The following SPATA6L variants were observed in gnomAD, a reference collection of about 807,000 sequenced individuals.
SPATA6L encodes spermatogenesis associated 6-like protein.
A neutral mutation model predicts 49.2 loss-of-function variants in SPATA6L; 68 were observed. The ratio of observed to expected loss-of-function variants is 1.38; its 90% CI spans 1.14 to 1.69. SPATA6L has a LOEUF of 1.69. Ranked by LOEUF, SPATA6L falls within the 40% of genes most tolerant of loss-of-function variation. The pLI, the probability that SPATA6L is intolerant of heterozygous loss-of-function variation, is 0.00. For missense variants in SPATA6L, 668 were observed against 464.3 expected, an observed-to-expected ratio of 1.44 and a Z score of -4.03; for synonymous variants, 198 against 165.7, an observed-to-expected ratio of 1.19 and a Z score of -1.50.
At chr9:4,618,180 G>C (rs939418971) in intron 8 of SPATA6L, 70 bp from the exon 9 acceptor site, 2 of 1,362,274 alleles carry the variant, frequency 1.5e-6, no homozygotes, top group Non-Finnish European at 2.0e-6. Context: ...TGGGGGTGGG[G>C]GTTGGACAAG....
intron 7 of SPATA6L, 112 bp downstream of exon 7, chr9:4,622,296 A>G: frequency 1.4e-6 from 1 of 692,694 alleles, no homozygotes; most frequent in Non-Finnish European, 2.5e-6. Context: ...GTACTTGAGA[A>G]TTAGGCTCAC....
chr9:4,595,043 C>A (rs185190714), downstream of SPATA6L, among the ~76,000 whole-genome samples: 3 of 152,228 alleles, frequency 2.0e-5, no homozygotes, highest in African/African-American at 7.2e-5. Context: ...TTCTCTTAGT[C>A]GTTGAGTTCA....
intron 3 of SPATA6L, 90 bp downstream of exon 3, chr9:4,655,951 T>A (rs1838059450): frequency 1.0e-6 from 1 of 975,092 alleles, no homozygotes; most frequent in Non-Finnish European, 1.6e-6. Flanking sequence ...AACATGAACA[T>A]ATCACAGTTT....
chr9:4,590,777 G>A (rs535597774), intron 13 of SPATA6L, among the ~76,000 whole-genome samples: 1 of 152,058 alleles, frequency 6.6e-6, no homozygotes, highest in Non-Finnish European at 1.5e-5. Flanking sequence ...AATAACCCTG[G>A]AACTAAATGC....
chr9:4,664,532 A>G (rs1194823913), intron 1 of SPATA6L: 1 of 167,068 alleles, frequency 6.0e-6, no homozygotes, highest in Non-Finnish European at 1.5e-5. Flanking sequence ...CATAAGACCA[A>G]AGACCACCAA....
chr9:4,659,442 T>C (rs972840070), intron 2 of SPATA6L, among the ~76,000 whole-genome samples: 9 of 150,944 alleles, frequency 6.0e-5, no homozygotes. Flanking sequence ...TCAAAGAGAA[T>C]AAAATATCTA....
At chr9:4,657,185 T>A (rs1013304112) in intron 2 of SPATA6L, among the ~76,000 whole-genome samples, 2 of 145,886 alleles carry the variant, frequency 1.4e-5, no homozygotes, top group Non-Finnish European at 3.0e-5. Flanking sequence ...GCTTTAAAGT[T>A]CTGATTTAAA....
chr9:4,605,486 A>G (rs771099277), intron 9 of SPATA6L, 46 bp from the exon 10 acceptor site: 9 of 1,358,414 alleles, frequency 6.6e-6, no homozygotes. Context: ...AGCTACTAAA[A>G]AGGACACTTA....
chr9:4,655,229 C>T (rs1469565188), intron 3 of SPATA6L, among the ~76,000 whole-genome samples: 1 of 152,204 alleles, frequency 6.6e-6, no homozygotes. Context: ...AAATTAAGTT[C>T]TGGCACATGC....
At chr9:4,637,987 C>T (rs958818150) in intron 3 of SPATA6L, among the ~76,000 whole-genome samples, 4 of 151,456 alleles carry the variant, frequency 2.6e-5, no homozygotes, top group Non-Finnish European at 5.9e-5. Context: ...AAAAACACTT[C>T]ATTCATTGAG....
At position 4,616,432 on chromosome 9, in the gene SPATA6L, A is replaced by G. The variant is rs191315349; in HGVS notation, c.995+1491T>C. 9.5e-4 allele frequency among the ~76,000 whole-genome samples: 145 copies of G among 152,248 alleles called. No homozygotes were observed. The Middle Eastern group carries it at 0.017, about 18-fold the overall frequency. On this transcript the variant is annotated intron_variant, in intron 9 of 11. Coordinates refer to ENST00000682582, the MANE Select transcript of SPATA6L (RefSeq NM_001353486.2). ...CTTCATTTAAAATCAATCCTCTACAAGTCTTTAAATCCAGGATGACCTCCT... is the reference window on the plus strand; with the variant it reads ...CTTCATTTAAAATCAATCCTCTACAGGTCTTTAAATCCAGGATGACCTCCT...
chr9:4,622,701 T>C (rs1829606967), intron 6 of SPATA6L, among the ~76,000 whole-genome samples, 191 bp from the exon 7 acceptor site: 1 of 152,206 alleles, frequency 6.6e-6, no homozygotes, highest in Non-Finnish European at 1.5e-5. Context: ...TGTTTGTCCT[T>C]CACTGAGGCT....
rs750252480 is a variant in SPATA6L at position 4,662,807 on chromosome 9, C to T, written c.40-771G>A. On this transcript the variant is annotated intron_variant, in intron 1 of 11. Coordinates refer to ENST00000682582, the MANE Select transcript of SPATA6L (RefSeq NM_001353486.2). This position sits in a 1 kb window ranked among gnomAD's most constrained non-coding sequence, Gnocchi z 4.9. ...TGCTGGAGATCTCGGGACACGGCAT[C>T]CCCTGGCTGCTGGGCACCCTCTACT... 4.4e-6 allele frequency: 7 copies of T among 1,605,084 alleles called. No homozygotes were observed. In the East Asian group the frequency reaches 1.1e-4, roughly 26 times the overall value.
chr9:4,590,359 C>G (rs1821827679), intron 13 of SPATA6L, among the ~76,000 whole-genome samples: 1 of 152,298 alleles, frequency 6.6e-6, no homozygotes, highest in South Asian at 2.1e-4. Context: ...AACTCCTAAG[C>G]AAGCAGTGAG....
Position 4,662,767 on chromosome 9 carries a change from G to A in SPATA6L, c.40-731C>T, listed in dbSNP as rs777012816. ...GAGAGCTCGTCGTGGGGCAGCGTGC[G>A]ACCCCTTATGAAGCTGCTGGAGATC... On this transcript the variant is annotated intron_variant, in intron 1 of 11. Coordinates refer to ENST00000682582, the MANE Select transcript of SPATA6L (RefSeq NM_001353486.2). The surrounding 1 kb of genome is among the most constrained non-coding windows in gnomAD (Gnocchi z 4.9). 6.2e-7 allele frequency: 1 copy of A among 1,604,868 alleles called. No individual in the cohort carries two copies. Among genetic ancestry groups the A allele is most frequent in the Non-Finnish European group, 8.5e-7 (1 of 1,179,932 alleles).
At chr9:4,626,333 G>A in intron 5 of SPATA6L, 1 of 1,234,456 alleles carries the variant, frequency 8.1e-7, no homozygotes, top group Non-Finnish European at 1.0e-6. Flanking sequence ...TTTGAGTCTA[G>A]ACCCACAGGA....
chr9:4,625,287 C>T (rs200015710), intron 6 of SPATA6L, 40 bp downstream of exon 6: 7 of 1,588,892 alleles, frequency 4.4e-6, no homozygotes, highest in Non-Finnish European at 4.3e-6. Context: ...TCCATATCCT[C>T]ACTATTGCAA....
chr9:4,663,167 CT>C (rs758302526), intron 1 of SPATA6L: 2 of 1,614,114 alleles, frequency 1.2e-6, no homozygotes, highest in Non-Finnish European at 1.7e-6. Context: ...TAGCTTTTGG[CT>C]TTTTTCTGGG....
intron 5 of SPATA6L, chr9:4,625,850 G>T (rs1366694648): frequency 4.6e-6 from 1 of 219,316 alleles, no homozygotes; most frequent in Non-Finnish European, 8.8e-6. Context: ...ACCTCCAATA[G>T]ATAGATAATA....
Sources: allele counts gnomAD v4.1 joint callset (sites outside exome capture counted in the v4.1 genomes callset), GRCh38; gene constraint gnomAD v4.1.1; non-coding constraint Gnocchi (gnomAD v3.1); transcripts MANE v1.5; gene names NCBI Gene and HGNC (gene_info 2026-07-23, HGNC 2026-07-21).